LHFPL3: variants seen among roughly 807,000 people sequenced by gnomAD.
LHFPL3 encodes LHFPL tetraspan subfamily member 3 protein.
Under a neutral mutation model 19.3 loss-of-function variants are expected in LHFPL3, and 5 were observed. That is an observed-to-expected ratio of 0.26 (90% CI 0.14 to 0.54). The LOEUF (loss-of-function observed/expected upper bound fraction) is 0.54, where lower values mean the gene tolerates loss of function less well. Among genes scored for constraint, LHFPL3 ranks in the 20% least tolerant of loss-of-function variants. LHFPL3 has a pLI of 0.94. For missense variants in LHFPL3, 249 were observed against 307.4 expected, an observed-to-expected ratio of 0.81 and a Z score of 1.42; for synonymous variants, 133 against 126.2, an observed-to-expected ratio of 1.05 and a Z score of -0.36.
At chr7:104,502,728 C>G (rs1286437692) in intron 1 of LHFPL3, among the ~76,000 whole-genome samples, 1 of 152,196 alleles carries the variant, frequency 6.6e-6, no homozygotes, top group Non-Finnish European at 1.5e-5. Flanking sequence ...TCCCAGCCCT[C>G]ACAACTCAGA....
chr7:104,860,675 AG>A (rs1347721431), intron 2 of LHFPL3, among the ~76,000 whole-genome samples: 2 of 152,252 alleles, frequency 1.3e-5, no homozygotes, highest in Admixed American at 6.5e-5. Context: ...TATATGTAAC[AG>A]TTTAAAAGTA....
chr7:104,756,508 T>C (rs1399627318), intron 2 of LHFPL3, among the ~76,000 whole-genome samples: 2 of 151,958 alleles, frequency 1.3e-5, no homozygotes, highest in African/African-American at 4.9e-5. Flanking sequence ...TTTTTATTTA[T>C]TTATTTATTT....
At chr7:104,572,250 T>C (rs934228089) in intron 1 of LHFPL3, among the ~76,000 whole-genome samples, 1 of 151,904 alleles carries the variant, frequency 6.6e-6, no homozygotes, top group African/African-American at 2.4e-5. Flanking sequence ...TGCACCAACC[T>C]AATATATTTT....
chr7:104,563,325 A>G (rs1343372841), intron 1 of LHFPL3, among the ~76,000 whole-genome samples: 3 of 152,262 alleles, frequency 2.0e-5, no homozygotes, highest in African/African-American at 7.2e-5. Flanking sequence ...TGTGCTAGCA[A>G]TCAGCGAGAC....
Position 104,647,206 on chromosome 7 carries a change from G to A in LHFPL3, c.446-89469G>A, listed in dbSNP as rs116336984. Among the ~76,000 whole-genome samples the A allele has an allele frequency of 2.4e-3, 367 of 152,292 alleles. 1 individual carries two copies. The highest frequency in any genetic ancestry group is 4.4e-3 in the Non-Finnish European group (297 of 68,024). On this transcript the variant is annotated intron_variant, in intron 1 of 2. Transcript: ENST00000424859. ...GTTGACCTAAGTTTTTCAAGAAGAGGAAATTTCTCTGTCTGGACCAACTCT... is the reference window on the plus strand; with the variant it reads ...GTTGACCTAAGTTTTTCAAGAAGAGAAAATTTCTCTGTCTGGACCAACTCT...
intron 1 of LHFPL3, among the ~76,000 whole-genome samples, chr7:104,433,201 C>T (rs1027512375): frequency 6.6e-6 from 1 of 152,126 alleles, no homozygotes; most frequent in Non-Finnish European, 1.5e-5. Flanking sequence ...AACACAAGCA[C>T]ATATTCTAAG....
chr7:104,865,446 G>A (rs536359384), intron 2 of LHFPL3, among the ~76,000 whole-genome samples: 3,103 of 152,270 alleles, frequency 0.02, 107 homozygotes, highest in African/African-American at 0.071. Context: ...CTCAGTAGCC[G>A]ATTCGATCAA....
At chr7:104,683,923 T>G (rs1222407842) in intron 1 of LHFPL3, among the ~76,000 whole-genome samples, 2 of 152,232 alleles carry the variant, frequency 1.3e-5, no homozygotes, top group African/African-American at 2.4e-5. Flanking sequence ...CATTATCAAT[T>G]GAGAACCAGT....
intron 1 of LHFPL3, among the ~76,000 whole-genome samples, chr7:104,389,331 G>T (rs1179299527): frequency 6.6e-6 from 1 of 152,110 alleles, no homozygotes; most frequent in African/African-American, 2.4e-5. Flanking sequence ...TACACAACTT[G>T]CAGACCGAAA....
At chr7:104,432,667 C>A (rs1358932806) in intron 1 of LHFPL3, among the ~76,000 whole-genome samples, 1 of 152,148 alleles carries the variant, frequency 6.6e-6, no homozygotes, top group East Asian at 1.9e-4. Context: ...AAATGCGTCA[C>A]AACTAATCTC....
At chr7:104,411,274 G>A (rs1029744707) in intron 1 of LHFPL3, among the ~76,000 whole-genome samples, 3 of 152,100 alleles carry the variant, frequency 2.0e-5, no homozygotes, top group African/African-American at 7.2e-5. Flanking sequence ...CTTTATATGT[G>A]AAATGAGGTG....
At chr7:104,491,657 A>C (rs753244184) in intron 1 of LHFPL3, among the ~76,000 whole-genome samples, 1 of 152,112 alleles carries the variant, frequency 6.6e-6, no homozygotes, top group African/African-American at 2.4e-5. Context: ...CCCACTTCCC[A>C]TTGGAAGTGC....
intron 1 of LHFPL3, among the ~76,000 whole-genome samples, chr7:104,540,582 G>A (rs1362221669): frequency 1.3e-5 from 2 of 152,128 alleles, no homozygotes; most frequent in African/African-American, 4.8e-5. Context: ...TATGCTTTCT[G>A]GGGTAGCGAA....
At chr7:104,506,219 A>T (rs557033340) in intron 1 of LHFPL3, among the ~76,000 whole-genome samples, 2 of 152,048 alleles carry the variant, frequency 1.3e-5, no homozygotes, top group South Asian at 4.2e-4. Flanking sequence ...GTGAAAACTG[A>T]TTTTATAAGG....
At position 104,839,664 on chromosome 7, in the gene LHFPL3, A is replaced by G. The variant is rs149290666; in HGVS notation, c.683-66523A>G. On this transcript the variant is annotated intron_variant, in intron 2 of 2. Transcript: ENST00000424859. The stretch of plus-strand genomic sequence containing the variant: ...AGCCTGGGCAACAGAGCAAGACTCT[A>G]CCTTAAAAAAAGAAAAAAAAGAAAG... 9.3e-3 allele frequency among the ~76,000 whole-genome samples: 1,404 copies of G among 150,836 alleles called. 26 individuals are homozygous for G. Among genetic ancestry groups the G allele is most frequent in the African/African-American group, 0.033 (1,356 of 41,100 alleles).
intron 1 of LHFPL3, among the ~76,000 whole-genome samples, chr7:104,724,726 A>G (rs1315602022): frequency 6.6e-6 from 1 of 152,198 alleles, no homozygotes. Context: ...TACCTATGCA[A>G]CAAACCTCCA....
At chr7:104,470,509 C>T (rs1000083400) in intron 1 of LHFPL3, among the ~76,000 whole-genome samples, 12 of 152,186 alleles carry the variant, frequency 7.9e-5, no homozygotes, top group African/African-American at 2.7e-4. Context: ...GCTTTGTCCA[C>T]GAACAGTACC....
chr7:104,831,255 T>C (rs990307241), intron 2 of LHFPL3, among the ~76,000 whole-genome samples: 1 of 151,958 alleles, frequency 6.6e-6, no homozygotes, highest in Non-Finnish European at 1.5e-5. Context: ...CATAATATGA[T>C]ACTGAAATTA....
At chr7:104,629,168 C>T (rs1791598175) in intron 1 of LHFPL3, among the ~76,000 whole-genome samples, 1 of 152,106 alleles carries the variant, frequency 6.6e-6, no homozygotes, top group East Asian at 1.9e-4. Flanking sequence ...TTTATAGTGT[C>T]AGGGTTCTCC....
Sources: allele counts gnomAD v4.1 joint callset (sites outside exome capture counted in the v4.1 genomes callset), GRCh38; gene constraint gnomAD v4.1.1; transcripts MANE v1.5; gene names NCBI Gene and HGNC (gene_info 2026-07-23, HGNC 2026-07-21).